Variants in ZNF804B observed in about 807,000 individuals in gnomAD.
ZNF804B encodes zinc finger 804B.
ZNF804B carries 80 observed loss-of-function variants against 101.4 expected under a neutral mutation model. The observed-to-expected ratio is 0.79, with a 90% confidence interval of 0.66 to 0.95. The LOEUF (loss-of-function observed/expected upper bound fraction) is 0.95. Among genes scored for constraint, ZNF804B ranks in the 40% least tolerant of loss-of-function variants. ZNF804B has a pLI of 0.00. For synonymous variants in ZNF804B, 622 were observed against 558.8 expected (o/e 1.11, Z -1.59); for missense variants, 1,673 against 1,561.9 (o/e 1.07, Z -1.20).
chr7:88,982,239 G>T (rs968367373), intron 1 of ZNF804B, among the ~76,000 whole-genome samples: 1 of 151,958 alleles, frequency 6.6e-6, no homozygotes, highest in Non-Finnish European at 1.5e-5. Flanking sequence ...TGGCTGTAAA[G>T]TCGCCTAGCA....
intron 2 of ZNF804B, among the ~76,000 whole-genome samples, chr7:89,272,129 C>T (rs538510897): frequency 6.6e-6 from 1 of 152,110 alleles, no homozygotes; most frequent in Non-Finnish European, 1.5e-5. Context: ...TTGCCATTCT[C>T]CCAACATATC....
intron 1 of ZNF804B, among the ~76,000 whole-genome samples, chr7:88,922,986 A>G (rs935846653): frequency 6.6e-6 from 1 of 152,144 alleles, no homozygotes; most frequent in Admixed American, 6.6e-5. Context: ...TTAAGTAATT[A>G]TTGAAGACAA....
intron 2 of ZNF804B, among the ~76,000 whole-genome samples, chr7:89,252,801 G>A (rs35762795): frequency 0.12 from 18,605 of 152,122 alleles, 1,222 homozygotes; most frequent in Middle Eastern, 0.25. Flanking sequence ...CAGATGCCTC[G>A]TGTTTGCACT....
intron 1 of ZNF804B, among the ~76,000 whole-genome samples, chr7:88,968,876 A>T (rs1159605084): frequency 6.6e-6 from 1 of 151,574 alleles, no homozygotes; most frequent in Non-Finnish European, 1.5e-5. Context: ...GAATATATAT[A>T]ATTTTTCTTG....
chr7:89,219,564 C>T (rs985063795), intron 2 of ZNF804B, among the ~76,000 whole-genome samples: 4 of 151,528 alleles, frequency 2.6e-5, no homozygotes, highest in African/African-American at 9.8e-5. Context: ...GGCTATTGTT[C>T]TCATCTGGTT....
intron 1 of ZNF804B, among the ~76,000 whole-genome samples, chr7:89,122,549 G>T (rs73218609): frequency 6.6e-6 from 1 of 152,050 alleles, no homozygotes; most frequent in South Asian, 2.1e-4. Flanking sequence ...TTCAATGGGG[G>T]CCATCCATTC....
intron 1 of ZNF804B, among the ~76,000 whole-genome samples, chr7:89,060,036 G>A (rs1300630628): frequency 6.6e-6 from 1 of 152,092 alleles, no homozygotes; most frequent in East Asian, 1.9e-4. Context: ...GGTAACCTGG[G>A]TCCTCAGGCT....
Position 89,315,735 on chromosome 7 carries a change from C to T in ZNF804B, c.250-11609C>T, listed in dbSNP as rs111591305. Among the ~76,000 whole-genome samples, 543 of 151,740 alleles carry T rather than the reference C, an allele frequency of 3.6e-3. 5 individuals are homozygous for T. The highest frequency in any genetic ancestry group is 0.013 in the African/African-American group (517 of 41,092). On this transcript the variant is annotated intron_variant, in intron 2 of 3. Coordinates refer to ENST00000333190, the MANE Select transcript of ZNF804B (RefSeq NM_181646.5). ...AGACACATGGCTCTAAATACACACA[C>T]ACACAAACACACACACACACACAAG...
At chr7:88,848,722 G>GA (rs1427288675) in intron 1 of ZNF804B, among the ~76,000 whole-genome samples, 3 of 149,906 alleles carry the variant, frequency 2.0e-5, no homozygotes, top group African/African-American at 7.4e-5. Context: ...AAAAAAATGG[G>GA]AAAAAGTTTC....
intron 1 of ZNF804B, among the ~76,000 whole-genome samples, chr7:88,914,465 G>A (rs1464027806): frequency 6.6e-6 from 1 of 152,110 alleles, no homozygotes; most frequent in East Asian, 1.9e-4. Context: ...AACACTTGAA[G>A]TGGAATACCA....
At chr7:89,309,175 G>T (rs38936) in intron 2 of ZNF804B, among the ~76,000 whole-genome samples, 13,630 of 151,764 alleles carry the variant, frequency 0.09, 754 homozygotes, top group Non-Finnish European at 0.13. Context: ...AGTGTCTATT[G>T]TTCCCATCTC....
At chr7:89,293,407 A>T (rs10250248) in intron 2 of ZNF804B, among the ~76,000 whole-genome samples, 10 of 151,990 alleles carry the variant, frequency 6.6e-5, no homozygotes, top group Non-Finnish European at 1.5e-4. Flanking sequence ...AATTAAAAAT[A>T]AAATAAAAGT....
chr7:89,265,599 G>A (rs1379567932), intron 2 of ZNF804B, among the ~76,000 whole-genome samples: 2 of 152,228 alleles, frequency 1.3e-5, no homozygotes, highest in East Asian at 3.9e-4. Flanking sequence ...CTGGCATTGT[G>A]GAACTTTACA....
chr7:89,120,995 A>G (rs1455703215), intron 1 of ZNF804B, among the ~76,000 whole-genome samples: 1 of 152,212 alleles, frequency 6.6e-6, no homozygotes, highest in Non-Finnish European at 1.5e-5. Flanking sequence ...TTTTGCATAT[A>G]TTAAACGACT....
chr7:89,193,823 T>A (rs1470854433), intron 1 of ZNF804B, among the ~76,000 whole-genome samples: 1 of 151,874 alleles, frequency 6.6e-6, no homozygotes, highest in East Asian at 1.9e-4. Context: ...TTTGGGTATA[T>A]GCCCAGTAAC....
At position 88,876,998 on chromosome 7, in the gene ZNF804B, G is replaced by GAA. The variant is rs1161171786; in HGVS notation, c.108+116923_108+116924dup. Among the ~76,000 whole-genome samples, 389 of 53,818 alleles carry GAA rather than the reference G, an allele frequency of 7.2e-3. 15 individuals are homozygous for GAA. The highest frequency in any genetic ancestry group is 0.03 in the African/African-American group (260 of 8,650). The allele number at this position is 53,818 out of a possible 152,430, so 35.3% of individuals were successfully genotyped here. On this transcript the variant is annotated intron_variant, in intron 1 of 3. Coordinates refer to ENST00000333190, the MANE Select transcript of ZNF804B (RefSeq NM_181646.5). ...ACAGGAAATTATACAGAGAATATTT[G>GAA]AAAAAAAAAATATATATATATATAT... is the stretch of plus-strand genomic sequence containing the variant.
intron 1 of ZNF804B, among the ~76,000 whole-genome samples, chr7:88,956,160 T>A (rs9648883): frequency 0.24 from 36,387 of 151,404 alleles, 4,741 homozygotes; most frequent in East Asian, 0.47. Flanking sequence ...TACAGTCATC[T>A]TGGAAAACAG....
chr7:89,231,067 T>G (rs55774549), intron 2 of ZNF804B, among the ~76,000 whole-genome samples: 43,984 of 151,914 alleles, frequency 0.29, 6,577 homozygotes, highest in South Asian at 0.34. Context: ...CTCTGAATAT[T>G]TTATAATTTT....
intron 1 of ZNF804B, among the ~76,000 whole-genome samples, chr7:89,167,111 T>A (rs1047211868): frequency 6.6e-6 from 1 of 152,046 alleles, no homozygotes; most frequent in Non-Finnish European, 1.5e-5. Flanking sequence ...TCTTAGACTA[T>A]GTGGTTTGTC....
Sources: gnomAD v4.1 joint callset for allele counts (sites outside exome capture counted in the v4.1 genomes callset) on GRCh38, gnomAD v4.1.1 for gene constraint, MANE v1.5 for transcripts, NCBI Gene and HGNC (gene_info 2026-07-23, HGNC 2026-07-21) for gene names.